The following DHRSX variants were observed in gnomAD, a reference collection of about 807,000 sequenced individuals.
DHRSX encodes the protein polyprenol dehydrogenase.
DHRSX carries 31 observed loss-of-function variants against 34.0 expected under a neutral mutation model. The observed-to-expected ratio is 0.91, with a 90% CI of 0.69 to 1.23. The LOEUF (loss-of-function observed/expected upper bound fraction) is 1.23. Among genes scored for constraint, DHRSX ranks in the 50% most tolerant of loss-of-function variants. The probability of loss-of-function intolerance (pLI) is 0.00; values close to 1 mark genes in which losing one functional copy is unlikely to be tolerated. For synonymous variants in DHRSX, 201 were observed against 183.8 expected (o/e 1.09, Z -0.76); for missense variants, 414 against 428.1 (o/e 0.97, Z 0.29).
intron 1 of DHRSX, among the ~76,000 whole-genome samples, chrX:2,473,750 T>C (rs1233511191): frequency 7.2e-6 from 1 of 139,740 alleles, no homozygotes; most frequent in Non-Finnish European, 1.5e-5. Context: ...TCCTCCCAAG[T>C]CTACACGAAT....
intron 1 of DHRSX, among the ~76,000 whole-genome samples, chrX:2,498,023 T>C (rs776310442): frequency 6.6e-6 from 1 of 152,334 alleles, no homozygotes; most frequent in Admixed American, 6.5e-5. Context: ...AATTTGCTTC[T>C]AAACCCCCTC....
intron 1 of DHRSX, chrX:2,486,888 A>G (rs1451447139): frequency 6.6e-6 from 1 of 152,256 alleles, no homozygotes; most frequent in Admixed American, 6.5e-5. Context: ...AGCCCTGAGA[A>G]GTCAGCAGCC....
chrX:2,388,318 G>A (rs1244992183), intron 3 of DHRSX, among the ~76,000 whole-genome samples: 1 of 152,148 alleles, frequency 6.6e-6, no homozygotes, highest in Admixed American at 6.5e-5. Flanking sequence ...TAGGACTTCA[G>A]AATGTGATCA....
At chrX:2,313,666 C>T (rs1371480295) in intron 3 of DHRSX, among the ~76,000 whole-genome samples, 6 of 152,050 alleles carry the variant, frequency 3.9e-5, no homozygotes, top group East Asian at 3.9e-4. Flanking sequence ...GACGCCCAGC[C>T]GTGATTTATA....
intron 3 of DHRSX, among the ~76,000 whole-genome samples, chrX:2,325,408 C>T (rs1253204992): frequency 6.6e-6 from 1 of 152,080 alleles, no homozygotes; most frequent in Non-Finnish European, 1.5e-5. Flanking sequence ...TAGACACATT[C>T]AAAACGGCGG....
chrX:2,500,273 T>TAGA (rs2045383261), intron 1 of DHRSX: 1 of 172,544 alleles, frequency 5.8e-6, no homozygotes, highest in Non-Finnish European at 1.3e-5. Context: ...GGGCCCCCTC[T>TAGA]GGAGACGTCC....
chrX:2,314,634 C>G (rs370820659), intron 3 of DHRSX, among the ~76,000 whole-genome samples: 2 of 151,806 alleles, frequency 1.3e-5, no homozygotes, highest in African/African-American at 4.8e-5. Flanking sequence ...TTCCTTGTCT[C>G]ATTATGTTAT....
chrX:2,420,532 C>A (rs990722444), intron 2 of DHRSX, among the ~76,000 whole-genome samples: 29 of 151,842 alleles, frequency 1.9e-4, no homozygotes, highest in African/African-American at 2.7e-4. Flanking sequence ...ATCACAAGGT[C>A]AAGAGATCGA....
chrX:2,342,211 G>A (rs140955330), intron 3 of DHRSX, among the ~76,000 whole-genome samples: 134 of 152,176 alleles, frequency 8.8e-4, no homozygotes, highest in South Asian at 8.3e-3. Flanking sequence ...CCTATCTGTC[G>A]GCCACATATC....
At chrX:2,408,515 A>C (rs1208352488) in intron 3 of DHRSX, among the ~76,000 whole-genome samples, 3 of 152,110 alleles carry the variant, frequency 2.0e-5, no homozygotes, top group Non-Finnish European at 4.4e-5. Flanking sequence ...GCACATCTGC[A>C]TGCCTTTCCT....
chrX:2,250,875 G>A (rs1466284674), intron 5 of DHRSX, among the ~76,000 whole-genome samples: 1 of 152,040 alleles, frequency 6.6e-6, no homozygotes, highest in Non-Finnish European at 1.5e-5. Flanking sequence ...TGTTTTCTGA[G>A]CCCCAACACT....
intron 5 of DHRSX, among the ~76,000 whole-genome samples, chrX:2,243,542 A>G (rs1174929982): frequency 6.6e-6 from 1 of 151,770 alleles, no homozygotes; most frequent in Admixed American, 6.6e-5. Context: ...GCTGGAGTGC[A>G]GTGGTGCAAT....
chrX:2,247,612 C>A (rs1356917128), intron 5 of DHRSX, among the ~76,000 whole-genome samples: 1 of 149,120 alleles, frequency 6.7e-6, no homozygotes, highest in Non-Finnish European at 1.5e-5. Flanking sequence ...CGAGATTGCG[C>A]CACTGCACTC....
intron 5 of DHRSX, among the ~76,000 whole-genome samples, chrX:2,251,470 C>A (rs1488714838): frequency 6.6e-6 from 1 of 152,164 alleles, no homozygotes; most frequent in Non-Finnish European, 1.5e-5. Flanking sequence ...TTGTTCTCCT[C>A]TGCCTTTGCC....
intron 4 of DHRSX, 58 bp from the exon 5 acceptor site, chrX:2,267,005 A>C (rs2124463594): frequency 4.9e-3 from 7,524 of 1,523,816 alleles, no homozygotes; most frequent in Non-Finnish European, 6.3e-3. Context: ...GAGAAATCTC[A>C]CAGATGGATT....
chrX:2,259,285 T>C (rs1052906665), intron 5 of DHRSX, among the ~76,000 whole-genome samples: 3 of 146,874 alleles, frequency 2.0e-5, no homozygotes, highest in Non-Finnish European at 4.5e-5. Context: ...AAAAAAAATA[T>C]ATAGATAGAT....
chrX:2,474,850 C>T (rs1036564228), intron 1 of DHRSX, among the ~76,000 whole-genome samples: 26 of 149,940 alleles, frequency 1.7e-4, no homozygotes, highest in African/African-American at 4.4e-4. Flanking sequence ...GCTAAGGGAC[C>T]GCCGCCATGT....
rs1039780557 is a variant in DHRSX, at chrX:2,432,847, C to T, written c.110-7543G>A. ...AAAACTACTTGTTTAAAAAACAGGC[C>T]GGGCAGTGGCTCATGCCTGTAATCC... On this transcript the variant is annotated intron_variant, in intron 1 of 6. Transcript: ENST00000334651. 7.9e-5 allele frequency among the ~76,000 whole-genome samples: 12 copies of T among 152,084 alleles called. 1 individual carries two copies. Among genetic ancestry groups the T allele is most frequent in the East Asian group, 7.7e-4 (4 of 5,202 alleles).
intron 1 of DHRSX, among the ~76,000 whole-genome samples, chrX:2,447,059 A>G (rs764058959): frequency 9.9e-5 from 15 of 151,522 alleles, no homozygotes; most frequent in East Asian, 5.9e-4. Context: ...GACATTCCCT[A>G]AGCATGTGGC....
Sources: allele counts gnomAD v4.1 joint callset (sites outside exome capture counted in the v4.1 genomes callset), GRCh38; gene constraint gnomAD v4.1.1; transcripts MANE v1.5; gene names NCBI Gene and HGNC (gene_info 2026-07-23, HGNC 2026-07-21).